Variants in AADAT observed in about 807,000 individuals in gnomAD.
AADAT encodes the protein kynurenine/alpha-aminoadipate aminotransferase, mitochondrial.
A neutral mutation model predicts 56.2 loss-of-function variants in AADAT; 25 were observed. The observed-to-expected ratio is 0.44, with a 90% confidence interval of 0.32 to 0.62. The LOEUF is 0.62. Ranked by LOEUF, AADAT falls within the 20% of genes least tolerant of loss-of-function variation. The pLI is 0.04. For missense variants in AADAT, 387 were observed against 510.5 expected, an observed-to-expected ratio of 0.76 and a Z score of 2.33; for synonymous variants, 173 against 164.7, an observed-to-expected ratio of 1.05 and a Z score of -0.39.
intron 12 of AADAT, among the ~76,000 whole-genome samples, chr4:170,061,255 CATA>C (rs1206503226): frequency 6.6e-6 from 1 of 152,146 alleles, no homozygotes; most frequent in African/African-American, 2.4e-5. Flanking sequence ...TTAGATTTTA[CATA>C]ATCTCTCACC....
At position 170,073,167 on chromosome 4, in the gene AADAT, A is replaced by C; in HGVS notation, c.623T>G (p.Leu208Ter). ...PNGNNPTGNS[L>*]TSERKKEIYE... is the part of the protein sequence containing the mutation. ...GATTTCCTTTTTGCGTTCACTGGTT[A>C]ATGAGTTTCCAGTAGGGTTGTTGCC... Residue 208 changes from leucine (L) to a stop codon, truncating the protein, a stop_gained, in exon 5 of 13, where the codon TTA (leucine) becomes TGA (stop). Transcript: ENST00000337664. LOFTEE classifies it high-confidence loss of function. The C allele has an allele frequency of 6.2e-7, 1 of 1,614,172 alleles. No homozygotes were observed. Among genetic ancestry groups the C allele is most frequent in the Non-Finnish European group, 8.5e-7 (1 of 1,180,022 alleles).
At position 170,064,797 on chromosome 4, in the gene AADAT, A is replaced by G. The variant is rs1731365150; in HGVS notation, c.1056T>C (p.Ala352=). ...TAACTTTAATCCATAAAAACATTCCAGCAGCAGGAACATGCCATTCTGCCA... is the reference window on the plus strand; with the variant it reads ...TAACTTTAATCCATAAAAACATTCCGGCAGCAGGAACATGCCATTCTGCCA... The part of the protein sequence containing the change: ...TGLAEWHVPA[A]GMFLWIKVKG... The change falls in exon 11 of 13, where the codon GCT becomes GCC. Residue 352 remains alanine, a synonymous_variant. Coordinates refer to ENST00000337664, the MANE Select transcript of AADAT (RefSeq NM_016228.4). The G allele has an allele frequency of 6.2e-7, 1 of 1,611,204 alleles. No homozygotes were observed. The highest frequency in any genetic ancestry group is 1.1e-5 in the South Asian group (1 of 90,058).
In AADAT at chr4:170,061,833, G is replaced by A. The variant is rs1257764853; in HGVS notation, c.1236+59C>T. 1.3e-5 allele frequency: 16 copies of A among 1,221,810 alleles called. No individual in the cohort carries two copies. The Admixed American group carries it at 1.9e-4, about 14-fold the overall frequency. 75.7% of individuals were successfully genotyped at this position (1,221,810 alleles called of 1,614,324 possible). Reference sequence around the variant, plus strand: ...ATATTCTAATTCACAAAGTATACACGTGCATTAAAAAAACAGAACTGCTAG... The same window carrying A: ...ATATTCTAATTCACAAAGTATACACATGCATTAAAAAAACAGAACTGCTAG... On this transcript the variant is annotated intron_variant, in intron 12 of 12. Transcript: ENST00000337664.
intron 3 of AADAT, among the ~76,000 whole-genome samples, chr4:170,080,313 C>T (rs1732233625): frequency 6.6e-6 from 1 of 152,140 alleles, no homozygotes. Context: ...CCCAATTCTG[C>T]CTGGCACCAA....
intron 1 of AADAT, 54 bp downstream of exon 1, chr4:170,089,570 G>A (rs767167033): frequency 1.4e-5 from 23 of 1,605,696 alleles, no homozygotes. Context: ...CCTCCTTAGA[G>A]GCTGTGCGAG....
At position 170,073,419 on chromosome 4, in the gene AADAT, TCTAA is replaced by T. The variant is rs1169764977; in HGVS notation, c.445-78_445-75del. The T allele has an allele frequency of 9.4e-5, 125 of 1,334,302 alleles. No individual in the cohort carries two copies. In the East Asian group the frequency reaches 9.7e-4, roughly 10 times the overall value. 82.7% of individuals were successfully genotyped at this position (1,334,302 alleles called of 1,614,324 possible). ...GTGCTATTGGTTTTTTTTTTTTCTT[TCTAA>T]CTAAGAACTTGCTCATTCATACCCT... On this transcript the variant is annotated intron_variant, in intron 4 of 12. Coordinates refer to ENST00000337664, the MANE Select transcript of AADAT (RefSeq NM_016228.4).
rs145220851 is a variant in AADAT, at chr4:170,081,251, G to A, written c.370-2668C>T. On this transcript the variant is annotated intron_variant, in intron 3 of 12. Coordinates refer to ENST00000337664, the MANE Select transcript of AADAT (RefSeq NM_016228.4). The stretch of plus-strand genomic sequence containing the variant: ...ATAGGTAAGCTTGAAGATTGGCTAC[G>A]TGAAAATACAGTCGGGGAAAAAAGA... 1.0e-3 allele frequency among the ~76,000 whole-genome samples: 155 copies of A among 152,208 alleles called. 1 individual carries two copies. The highest frequency in any genetic ancestry group is 3.6e-3 in the African/African-American group (148 of 41,536).
At chr4:170,066,328 C>T (rs766326292) in intron 10 of AADAT, 86 bp downstream of exon 10, 5 of 1,164,092 alleles carry the variant, frequency 4.3e-6, no homozygotes, top group Non-Finnish European at 6.5e-6. Context: ...TCTTTTCCAC[C>T]AGGATTGTTA....
At chr4:170,094,029 C>G (rs893644296), upstream of AADAT, among the ~76,000 whole-genome samples, 2 of 152,178 alleles carry the variant, frequency 1.3e-5, no homozygotes, top group Non-Finnish European at 1.5e-5. Context: ...AGGTTTTCAA[C>G]CCTTAAACAG....
chr4:170,092,412 C>T (rs755856656), upstream of AADAT, among the ~76,000 whole-genome samples: 34 of 152,254 alleles, frequency 2.2e-4, no homozygotes, highest in Non-Finnish European at 4.3e-4. Context: ...TTCACGCCAG[C>T]AGCCAGTGAG....
rs1731713710 is a variant in AADAT, at chr4:170,070,672, T to C, written c.655-20A>G. On this transcript the variant is annotated intron_variant, in intron 5 of 12. Transcript: ENST00000337664. ...TGCAAGCTAAAAAAGGTTGAAGTAA[T>C]TGTTTATTTCTTAATCTATTTATTT... The C allele has an allele frequency of 1.4e-6, 2 of 1,457,970 alleles. No homozygotes were observed. The highest frequency in any genetic ancestry group is 1.4e-5 in the African/African-American group (1 of 71,226). 90.3% of individuals were successfully genotyped at this position (1,457,970 alleles called of 1,614,324 possible).
At chr4:170,088,683 G>T in intron 1 of AADAT, 119 bp from the exon 2 acceptor site, 3 of 1,043,886 alleles carry the variant, frequency 2.9e-6, no homozygotes, top group African/African-American at 1.6e-5. Context: ...GATAGAGTGT[G>T]CTATGGTCTA....
In AADAT at chr4:170,073,229, C is replaced by T. The variant is rs1375181883; in HGVS notation, c.561G>A (p.Gln187=). 1.2e-6 allele frequency: 2 copies of T among 1,614,010 alleles called. No homozygotes were observed. The highest frequency in any genetic ancestry group is 3.3e-5 in the Admixed American group (2 of 60,004). Residue 187 remains glutamine, a synonymous_variant, in exon 5 of 13, where the codon CAG becomes CAA. Coordinates refer to ENST00000337664, the MANE Select transcript of AADAT (RefSeq NM_016228.4). ...RWKPEDAKNP[Q]KNTPKFLYTV... ...TATAAAGAAATTTGGGGGTGTTTTT[C>T]TGGGGATTCTTTGCATCTTCTGGTT...
At chr4:170,065,054 G>C (rs1249392952) in intron 10 of AADAT, among the ~76,000 whole-genome samples, 1 of 152,124 alleles carries the variant, frequency 6.6e-6, no homozygotes, top group Admixed American at 6.5e-5. Context: ...GGGGTAGGGT[G>C]GGCAAGTGAA....
Position 170,073,365 on chromosome 4 carries a change from G to C in AADAT, c.445-20C>G, listed in dbSNP as rs770758717. On this transcript the variant is annotated intron_variant, in intron 4 of 12. Transcript: ENST00000337664. ...GTGCAGCTGTTGAGCACAAAAGAAAGCCTGAGTCAGTCATGATTACAAATG... is the reference window on the plus strand; with the variant it reads ...GTGCAGCTGTTGAGCACAAAAGAAACCCTGAGTCAGTCATGATTACAAATG... 6.2e-7 allele frequency: 1 copy of C among 1,601,732 alleles called. No homozygotes were observed. Among genetic ancestry groups the C allele is most frequent in the Non-Finnish European group, 8.5e-7 (1 of 1,173,828 alleles).
chr4:170,087,717 C>T (rs566101057), intron 2 of AADAT, among the ~76,000 whole-genome samples: 10 of 152,110 alleles, frequency 6.6e-5, no homozygotes, highest in Admixed American at 5.9e-4. Flanking sequence ...TTTTCAATCA[C>T]AGAACAAAGC....
At chr4:170,077,732 G>GT (rs1358704144) in intron 4 of AADAT, among the ~76,000 whole-genome samples, 2 of 152,164 alleles carry the variant, frequency 1.3e-5, no homozygotes, top group Non-Finnish European at 2.9e-5. Flanking sequence ...AGCTGAAATT[G>GT]TTTCCCTGTG....
rs1184561713 is a variant in AADAT at position 170,087,195 on chromosome 4, G to A, written c.290C>T (p.Pro97Leu). The A allele has an allele frequency of 6.2e-7, 1 of 1,613,934 alleles. No homozygotes were observed. Among genetic ancestry groups the A allele is most frequent in the Non-Finnish European group, 8.5e-7 (1 of 1,180,008 alleles). The change falls in exon 3 of 13, where the codon CCT (proline) becomes CTT (leucine). Residue 97 changes from proline to leucine, a missense_variant. By Grantham distance (98) the Pro-to-Leu change is moderately conservative. Coordinates refer to ENST00000337664, the MANE Select transcript of AADAT (RefSeq NM_016228.4). The stretch of plus-strand genomic sequence containing the variant: ...ACTGGGTGGGTAATGGATGGTAGGA[G>A]GATTATGCAATTTTATTTGTAACTG... Reference protein sequence around the residue: ...LKQLQIKLHNPPTIHYPPSQG... With the variant: ...LKQLQIKLHNLPTIHYPPSQG...
Position 170,078,510 on chromosome 4 carries a change from C to G in AADAT, c.443G>C (p.Ser148Thr), listed in dbSNP as rs1732146104. 61 of 1,597,986 alleles carry G rather than the reference C, an allele frequency of 3.8e-5. No individual in the cohort carries two copies. The highest frequency in any genetic ancestry group is 5.1e-5 in the Non-Finnish European group (60 of 1,169,128). Residue 148 changes from serine (S) to threonine (T), a missense_variant and splice_region_variant, in exon 4 of 13, where the codon AGT (serine) becomes ACT (threonine). By Grantham distance (58) the Ser-to-Thr change is moderately conservative. Transcript: ENST00000337664. ...CCTTTAGTAAAAATGTATACTCACACTTTGAAGAGTTCCTGAATAAGCAGG... is the reference window on the plus strand; with the variant it reads ...CCTTTAGTAAAAATGTATACTCACAGTTTGAAGAGTTCCTGAATAAGCAGG... ...DEPAYSGTLQ[S>T]LHPLGCNIIN...
Sources: allele counts gnomAD v4.1 joint callset (sites outside exome capture counted in the v4.1 genomes callset), GRCh38; gene constraint gnomAD v4.1.1; transcripts MANE v1.5; gene names NCBI Gene and HGNC (gene_info 2026-07-23, HGNC 2026-07-21).